CCSER1: variants seen among roughly 807,000 people sequenced by gnomAD.
CCSER1 encodes the protein serine-rich coiled-coil domain-containing protein 1.
Under a neutral mutation model 82.0 loss-of-function variants are expected in CCSER1, and 41 were observed. The observed-to-expected ratio is 0.50, with a 90% confidence interval of 0.39 to 0.65. CCSER1 has a LOEUF of 0.65. Among genes scored for constraint, CCSER1 ranks in the 30% least tolerant of loss-of-function variants. The pLI is 0.00. For missense variants in CCSER1, 1,119 were observed against 1,064.2 expected (o/e 1.05, Z -0.72); for synonymous variants, 414 against 383.9 (o/e 1.08, Z -0.92).
At chr4:91,444,297 G>A (rs987041314) in intron 10 of CCSER1, among the ~76,000 whole-genome samples, 1 of 152,108 alleles carries the variant, frequency 6.6e-6, no homozygotes, top group Admixed American at 6.6e-5. Context: ...TTGTCCAGTA[G>A]AGCATATTCT....
intron 5 of CCSER1, among the ~76,000 whole-genome samples, chr4:90,540,266 T>C (rs1350258404): frequency 1.6e-4 from 25 of 152,102 alleles, no homozygotes; most frequent in Admixed American, 1.6e-3. Context: ...ATAAAACACA[T>C]ATTTCAGATT....
chr4:90,721,183 A>T (rs1742615228), intron 6 of CCSER1, among the ~76,000 whole-genome samples: 2 of 151,888 alleles, frequency 1.3e-5, no homozygotes, highest in South Asian at 4.1e-4. Flanking sequence ...AGAAAGGGAG[A>T]GGTGACCAAT....
At chr4:90,384,882 C>T (rs1323434252) in intron 3 of CCSER1, among the ~76,000 whole-genome samples, 1 of 152,108 alleles carries the variant, frequency 6.6e-6, no homozygotes, top group African/African-American at 2.4e-5. Flanking sequence ...AATCTCACTC[C>T]TCCTTGCACC....
At chr4:90,881,406 C>A (rs767212443) in intron 8 of CCSER1, among the ~76,000 whole-genome samples, 1 of 152,008 alleles carries the variant, frequency 6.6e-6, no homozygotes, top group African/African-American at 2.4e-5. Context: ...AGAAAACTCC[C>A]AAACAGATTA....
chr4:91,256,262 C>G (rs1740673628), intron 10 of CCSER1, among the ~76,000 whole-genome samples: 1 of 152,100 alleles, frequency 6.6e-6, no homozygotes, highest in Admixed American at 6.5e-5. Context: ...GAAATTCCAG[C>G]CTGGCGAATT....
chr4:91,432,710 A>G (rs923621528), intron 10 of CCSER1, among the ~76,000 whole-genome samples: 1 of 152,092 alleles, frequency 6.6e-6, no homozygotes, highest in African/African-American at 2.4e-5. Flanking sequence ...CTTTTTTACT[A>G]CTGGATTTTT....
rs182051232 is a variant in CCSER1, at chr4:90,759,052, T to G, written c.2010+35061T>G. On this transcript the variant is annotated intron_variant, in intron 7 of 10. Transcript: ENST00000509176. Reference sequence around the variant, plus strand: ...TCTTCTTACTGGAACATCTTGCACCTCCTTCTAAGCCATCCATATGACCTT... The same window carrying G: ...TCTTCTTACTGGAACATCTTGCACCGCCTTCTAAGCCATCCATATGACCTT... Among the ~76,000 whole-genome samples, 12 of 152,294 alleles carry G rather than the reference T, an allele frequency of 7.9e-5. No individual in the cohort carries two copies. The East Asian group carries it at 1.9e-3, about 24-fold the overall frequency.
chr4:91,556,602 AAAT>A (rs1762417807), intron 10 of CCSER1, among the ~76,000 whole-genome samples: 1 of 151,140 alleles, frequency 6.6e-6, no homozygotes, highest in African/African-American at 2.4e-5. Flanking sequence ...GACAGATTAT[AAAT>A]TAATAATTAC....
intron 8 of CCSER1, among the ~76,000 whole-genome samples, chr4:90,887,807 G>A (rs542010202): frequency 1.1e-4 from 16 of 152,016 alleles, no homozygotes; most frequent in Non-Finnish European, 1.6e-4. Context: ...GCTTGAATCC[G>A]GGAGGCAGAG....
At chr4:90,835,084 C>A (rs1462058314) in intron 8 of CCSER1, among the ~76,000 whole-genome samples, 1 of 152,172 alleles carries the variant, frequency 6.6e-6, no homozygotes, top group Non-Finnish European at 1.5e-5. Context: ...TTAATCCCAG[C>A]ACTTTGGGAG....
At chr4:91,023,926 C>T (rs1740248403) in intron 9 of CCSER1, among the ~76,000 whole-genome samples, 2 of 152,114 alleles carry the variant, frequency 1.3e-5, no homozygotes, top group African/African-American at 4.8e-5. Flanking sequence ...ACAGCTGAAA[C>T]TGGGTAATTT....
chr4:91,571,602 A>T (rs894307609), intron 10 of CCSER1, among the ~76,000 whole-genome samples: 1 of 152,204 alleles, frequency 6.6e-6, no homozygotes, highest in Admixed American at 6.6e-5. Flanking sequence ...ACTCACTATC[A>T]TGAGATCAGC....
chr4:90,359,865 G>GTA (rs1247101669), intron 3 of CCSER1, among the ~76,000 whole-genome samples: 102 of 145,380 alleles, frequency 7.0e-4, no homozygotes, highest in African/African-American at 2.4e-3. Context: ...ATATATATGT[G>GTA]TATATATATG....
chr4:90,363,300 G>T (rs1745703585), intron 3 of CCSER1, among the ~76,000 whole-genome samples: 2 of 151,752 alleles, frequency 1.3e-5, no homozygotes, highest in African/African-American at 4.8e-5. Flanking sequence ...TAAATAGTAC[G>T]CACACTGACA....
chr4:90,603,366 C>T (rs1232556137), intron 5 of CCSER1, among the ~76,000 whole-genome samples: 1 of 152,162 alleles, frequency 6.6e-6, no homozygotes, highest in Admixed American at 6.5e-5. Flanking sequence ...GGTCTTCAGC[C>T]TGCTGTCTGC....
Position 91,020,531 on chromosome 4 carries a change from G to A in CCSER1, c.2173-65419G>A, listed in dbSNP as rs572437619. 3.1e-3 allele frequency among the ~76,000 whole-genome samples: 466 copies of A among 152,096 alleles called. 3 individuals are homozygous for A. The highest frequency in any genetic ancestry group is 0.01 in the African/African-American group (422 of 41,490). On this transcript the variant is annotated intron_variant, in intron 9 of 10. Coordinates refer to ENST00000509176, the MANE Select transcript of CCSER1 (RefSeq NM_001145065.2). ...CAAAAAATTAGCCGGGTGTGGTGGC[G>A]GGTGCCTGTAGTCCCAGTTACTCGG... is the stretch of plus-strand genomic sequence containing the variant.
chr4:91,001,864 T>G (rs183271552), intron 9 of CCSER1, among the ~76,000 whole-genome samples: 1 of 152,196 alleles, frequency 6.6e-6, no homozygotes, highest in African/African-American at 2.4e-5. Flanking sequence ...GTGAGAATTA[T>G]GGTTTAAAGA....
chr4:90,971,512 A>C (rs1469760794), intron 9 of CCSER1, among the ~76,000 whole-genome samples: 1 of 151,980 alleles, frequency 6.6e-6, no homozygotes, highest in East Asian at 1.9e-4. Flanking sequence ...AGATTGAATC[A>C]ATAATCCAAA....
intron 1 of CCSER1, among the ~76,000 whole-genome samples, chr4:90,157,946 C>T (rs988814718): frequency 1.2e-4 from 18 of 152,160 alleles, no homozygotes; most frequent in South Asian, 2.1e-4. Flanking sequence ...GGAGGAGAGG[C>T]GCTCTGCTTT....
Sources: allele counts gnomAD v4.1 joint callset (sites outside exome capture counted in the v4.1 genomes callset), GRCh38; gene constraint gnomAD v4.1.1; transcripts MANE v1.5; gene names NCBI Gene and HGNC (gene_info 2026-07-23, HGNC 2026-07-21).